The following ASPRV1 variants were observed in gnomAD, a reference collection of about 807,000 sequenced individuals.
The protein encoded by ASPRV1 is retroviral-like aspartic protease 1.
ASPRV1 carries 7 observed loss-of-function variants against 11.0 expected under a neutral mutation model. The observed-to-expected ratio is 0.64, with a 90% confidence interval of 0.36 to 1.20. The LOEUF (loss-of-function observed/expected upper bound fraction) is 1.20. Ranked by LOEUF, ASPRV1 falls within the 50% of genes most tolerant of loss-of-function variation. The probability of loss-of-function intolerance (pLI) is 0.02; values close to 1 mark genes in which losing one functional copy is unlikely to be tolerated. For synonymous variants in ASPRV1, 136 were observed against 138.4 expected, an observed-to-expected ratio of 0.98 and a Z score of 0.12; for missense variants, 299 against 320.0, an observed-to-expected ratio of 0.93 and a Z score of 0.50.
At chr2:70,013,397 A>G in the ASPRV1 span, among the ~76,000 whole-genome samples, 3 of 152,158 alleles carry the variant, frequency 2.0e-5, no homozygotes, top group Admixed American at 6.5e-5. Flanking sequence ...ATTTTTTCCA[A>G]CTCCAAATCT....
chr2:70,017,257 C>T, the ASPRV1 span, among the ~76,000 whole-genome samples: 2 of 152,216 alleles, frequency 1.3e-5, no homozygotes, highest in African/African-American at 4.8e-5. Flanking sequence ...TCCCAAAGTG[C>T]TGGGATTACA....
the ASPRV1 span, among the ~76,000 whole-genome samples, chr2:70,027,149 G>A: frequency 1.3e-5 from 2 of 151,240 alleles, no homozygotes; most frequent in African/African-American, 2.4e-5. Context: ...TCCCAGCTAC[G>A]CAGGAGGCTG....
Position 69,961,404 on chromosome 2 carries a change from G to C in ASPRV1, c.33C>G (p.Gly11=). 6.2e-7 allele frequency: 1 copy of C among 1,614,114 alleles called. No homozygotes were observed. The highest frequency in any genetic ancestry group is 8.5e-7 in the Non-Finnish European group (1 of 1,180,038). Residue 11 remains glycine, a synonymous_variant, in exon 1 of 1, where the codon GGC becomes GGG. Coordinates refer to ENST00000320256, the MANE Select transcript of ASPRV1 (RefSeq NM_152792.4). ...CCGGGACGAAGGCATGCTGCCGGCG[G>C]CCTTCCTCACTCCTGGCTCCGCTCC... The part of the protein sequence containing the change: MAGSGARSEE[G]RRQHAFVPEP...
the ASPRV1 span, among the ~76,000 whole-genome samples, chr2:70,036,361 GA>G: frequency 6.6e-6 from 1 of 151,992 alleles, no homozygotes; most frequent in Non-Finnish European, 1.5e-5. Flanking sequence ...AGCAGAAAAT[GA>G]AATTAGAGAA....
the ASPRV1 span, among the ~76,000 whole-genome samples, chr2:69,945,285 C>A: frequency 2.6e-5 from 4 of 152,256 alleles, no homozygotes; most frequent in East Asian, 7.7e-4. Context: ...TGCACATGCA[C>A]CCCCTGAATC....
the ASPRV1 span, among the ~76,000 whole-genome samples, chr2:70,008,374 A>G: frequency 9.2e-5 from 14 of 152,268 alleles, no homozygotes; most frequent in African/African-American, 3.4e-4. Flanking sequence ...AATCCTGACA[A>G]TAGAAAACTT....
the ASPRV1 span, among the ~76,000 whole-genome samples, chr2:69,999,316 G>C: frequency 2.6e-5 from 4 of 151,904 alleles, no homozygotes; most frequent in African/African-American, 9.7e-5. Flanking sequence ...AAAATATTGA[G>C]ATAATTTGTG....
chr2:69,954,853 C>T, the ASPRV1 span, among the ~76,000 whole-genome samples: 11 of 152,278 alleles, frequency 7.2e-5, no homozygotes, highest in African/African-American at 2.4e-4. Context: ...GAGGACAGGG[C>T]TCCCTTCACG....
At chr2:69,976,844 G>GA in the ASPRV1 span, among the ~76,000 whole-genome samples, 1 of 151,970 alleles carries the variant, frequency 6.6e-6, no homozygotes, top group Non-Finnish European at 1.5e-5. Context: ...CAACCTATAG[G>GA]AACAGAGTGC....
the ASPRV1 span, chr2:70,081,518 A>C: frequency 6.6e-6 from 1 of 152,004 alleles, no homozygotes; most frequent in African/African-American, 2.4e-5. Context: ...ATTTTTCAAC[A>C]GATATATTTC....
At chr2:70,067,752 T>C in the ASPRV1 span, among the ~76,000 whole-genome samples, 1 of 151,872 alleles carries the variant, frequency 6.6e-6, no homozygotes, top group Non-Finnish European at 1.5e-5. Context: ...GTATGGCAGG[T>C]ACATTCCAAA....
the ASPRV1 span, among the ~76,000 whole-genome samples, chr2:69,951,457 G>C: frequency 1.6e-5 from 2 of 124,034 alleles, no homozygotes; most frequent in Non-Finnish European, 3.2e-5. Context: ...GTGTGTGTGT[G>C]TGTGTGTGTG....
chr2:70,039,740 A>G, the ASPRV1 span, among the ~76,000 whole-genome samples: 6 of 152,230 alleles, frequency 3.9e-5, no homozygotes, highest in African/African-American at 1.4e-4. Context: ...CCAAGGTTCT[A>G]GCCCTCAGAT....
At chr2:70,002,613 T>C in the ASPRV1 span, among the ~76,000 whole-genome samples, 1 of 152,192 alleles carries the variant, frequency 6.6e-6, no homozygotes, top group Non-Finnish European at 1.5e-5. Context: ...AAGCATAGGT[T>C]ATTGCCCTCA....
At chr2:70,077,660 C>T in the ASPRV1 span, among the ~76,000 whole-genome samples, 1 of 151,900 alleles carries the variant, frequency 6.6e-6, no homozygotes, top group South Asian at 2.1e-4. Context: ...TCGAGACCAG[C>T]CTGGCCAACA....
At chr2:70,040,149 T>C in the ASPRV1 span, among the ~76,000 whole-genome samples, 2 of 152,130 alleles carry the variant, frequency 1.3e-5, no homozygotes, top group Non-Finnish European at 2.9e-5. Context: ...TTAAAGTACT[T>C]GATGTATCAG....
At chr2:69,958,582 A>C (rs1312756689), downstream of ASPRV1, among the ~76,000 whole-genome samples, 1 of 150,774 alleles carries the variant, frequency 6.6e-6, no homozygotes, top group African/African-American at 2.4e-5. Context: ...ACCCACTTAC[A>C]GACTCTTTAC....
the ASPRV1 span, chr2:69,988,479 C>T: frequency 2.5e-4 from 69 of 280,266 alleles, 1 homozygote; most frequent in South Asian, 2.3e-3. Flanking sequence ...TTCATAGAGA[C>T]AGAAAGTACA....
chr2:70,044,058 C>G, the ASPRV1 span, among the ~76,000 whole-genome samples: 1 of 152,156 alleles, frequency 6.6e-6, no homozygotes, highest in African/African-American at 2.4e-5. Context: ...ACTAGGGGCA[C>G]AGTGCCTTCT....
Sources: gnomAD v4.1 joint callset for allele counts (sites outside exome capture counted in the v4.1 genomes callset) on GRCh38, gnomAD v4.1.1 for gene constraint, MANE v1.5 for transcripts, NCBI Gene and HGNC (gene_info 2026-07-23, HGNC 2026-07-21) for gene names.